NRXN3: variants seen among roughly 807,000 people sequenced by gnomAD.
NRXN3 encodes neurexin III.
A neutral mutation model predicts 137.6 loss-of-function variants in NRXN3; 32 were observed. The observed-to-expected ratio is 0.23, with a 90% CI of 0.18 to 0.31. The LOEUF is 0.31. Ranked by LOEUF, NRXN3 falls within the 10% of genes least tolerant of loss-of-function variation. NRXN3 has a pLI of 1.00. For missense variants in NRXN3, 1,574 were observed against 2,062.5 expected (o/e 0.76, Z 4.59); for synonymous variants, 798 against 784.5 (o/e 1.02, Z -0.29).
At chr14:79,497,111 T>C (rs2096774556) in intron 16 of NRXN3, among the ~76,000 whole-genome samples, 1 of 152,188 alleles carries the variant, frequency 6.6e-6, no homozygotes, top group Non-Finnish European at 1.5e-5. Context: ...CCTTGGGTTC[T>C]TAACTCTAAC....
chr14:78,430,696 A>T (rs1342111163), intron 4 of NRXN3, among the ~76,000 whole-genome samples: 1 of 152,182 alleles, frequency 6.6e-6, no homozygotes, highest in South Asian at 2.1e-4. Context: ...TCTGCCCTGC[A>T]TAGGTCTTGT....
intron 15 of NRXN3, among the ~76,000 whole-genome samples, chr14:79,385,672 G>A (rs541530276): frequency 2.6e-5 from 4 of 152,140 alleles, no homozygotes; most frequent in Non-Finnish European, 5.9e-5. Context: ...AGGTTTGGCT[G>A]TTTAAAAGTG....
chr14:79,053,471 A>G (rs1016239134), intron 15 of NRXN3, among the ~76,000 whole-genome samples: 3 of 152,200 alleles, frequency 2.0e-5, no homozygotes, highest in African/African-American at 7.2e-5. Context: ...ATAATGGGCG[A>G]TATCTACCTT....
intron 9 of NRXN3, among the ~76,000 whole-genome samples, chr14:78,806,039 A>C (rs1596033865): frequency 7.9e-6 from 1 of 126,236 alleles, no homozygotes; most frequent in Non-Finnish European, 1.6e-5. Flanking sequence ...TTTCCAATAG[A>C]CTTTGCTTTT....
chr14:78,694,839 G>A (rs1175612504), intron 6 of NRXN3, among the ~76,000 whole-genome samples: 1 of 151,978 alleles, frequency 6.6e-6, no homozygotes, highest in Non-Finnish European at 1.5e-5. Flanking sequence ...TGCAAGCCTT[G>A]TTCTGGTGTT....
At chr14:79,500,733 T>C (rs1399920806) in intron 16 of NRXN3, among the ~76,000 whole-genome samples, 1 of 152,158 alleles carries the variant, frequency 6.6e-6, no homozygotes, top group Non-Finnish European at 1.5e-5. Flanking sequence ...CCTCTGTGGG[T>C]TGCAGTGAGG....
chr14:79,191,336 T>C (rs1283225114), intron 15 of NRXN3, among the ~76,000 whole-genome samples: 3 of 152,136 alleles, frequency 2.0e-5, no homozygotes, highest in African/African-American at 4.8e-5. Flanking sequence ...AAATTGATGA[T>C]AGATGAAGAC....
intron 8 of NRXN3, among the ~76,000 whole-genome samples, chr14:78,742,765 A>T (rs1245807079): frequency 3.3e-5 from 5 of 152,318 alleles, no homozygotes; most frequent in Non-Finnish European, 2.9e-5. Context: ...GAAAGTTTGT[A>T]TGTAAATAAA....
chr14:79,338,936 G>C (rs1380494730), intron 15 of NRXN3, among the ~76,000 whole-genome samples: 1 of 152,198 alleles, frequency 6.6e-6, no homozygotes, highest in African/African-American at 2.4e-5. Flanking sequence ...GTGAGACTAA[G>C]TATTTGTTTT....
chr14:78,765,066 GC>G (rs200925207), intron 8 of NRXN3, among the ~76,000 whole-genome samples: 3,937 of 152,310 alleles, frequency 0.026, 80 homozygotes, highest in Non-Finnish European at 0.042. Context: ...CTAAATGTAT[GC>G]TATGGTCACC....
intron 2 of NRXN3, among the ~76,000 whole-genome samples, chr14:78,259,369 C>G (rs1005955301): frequency 6.6e-6 from 1 of 152,102 alleles, no homozygotes; most frequent in African/African-American, 2.4e-5. Flanking sequence ...GAACCTTGCA[C>G]TTTTTTGAGA....
intron 15 of NRXN3, among the ~76,000 whole-genome samples, chr14:79,004,866 GTC>G (rs1219629254): frequency 6.6e-6 from 1 of 152,028 alleles, no homozygotes; most frequent in Non-Finnish European, 1.5e-5. Flanking sequence ...TTTATATGCT[GTC>G]GCCCCGTCCT....
In NRXN3 at chr14:78,880,102, T is replaced by A. The variant is rs1386296599; in HGVS notation, c.2275+69758T>A. Among the ~76,000 whole-genome samples, 7 of 146,316 alleles carry A rather than the reference T, an allele frequency of 4.8e-5. 1 individual carries two copies. The highest frequency in any genetic ancestry group is 1.9e-4 in the African/African-American group (7 of 37,692). On this transcript the variant is annotated intron_variant, in intron 10 of 20. Transcript: ENST00000335750. ...AAAATACAAAAAAATTAGCCGGGCG[T>A]AGTGGCGGGCGCCTGTAGTCCCAGC...
chr14:79,424,812 G>A (rs2095630373), intron 15 of NRXN3, among the ~76,000 whole-genome samples: 1 of 152,132 alleles, frequency 6.6e-6, no homozygotes, highest in African/African-American at 2.4e-5. Flanking sequence ...GGATTATGCA[G>A]GCGATACTTT....
At chr14:79,036,593 GTTTTTTTTTTTTTTTTTT>G (rs57154485) in intron 15 of NRXN3, among the ~76,000 whole-genome samples, 1 of 101,660 alleles carries the variant, frequency 9.8e-6, no homozygotes, top group Non-Finnish European at 1.9e-5. Context: ...TTCGTTTTGG[GTTTTTTTTTTTTTTTTTT>G]TTTTTTTTTT....
chr14:78,210,161 A>C, intron 1 of NRXN3, among the ~76,000 whole-genome samples: 1 of 152,180 alleles, frequency 6.6e-6, no homozygotes, highest in Non-Finnish European at 1.5e-5. Context: ...AATGACAGAC[A>C]TTTTTTACTC....
At position 79,268,798 on chromosome 14, in the gene NRXN3, A is replaced by G. The variant is rs75439808; in HGVS notation, c.3263-198423A>G. 3.7e-3 allele frequency among the ~76,000 whole-genome samples: 558 copies of G among 152,262 alleles called. 19 individuals carry two copies. In the East Asian group the frequency reaches 0.075, roughly 20 times the overall value. ...TATGCCTCATTTTCTCCAATTGTAA[A>G]ACAGAGATACTTATAATAATATATA... is the stretch of plus-strand genomic sequence containing the variant. On this transcript the variant is annotated intron_variant, in intron 15 of 20. Coordinates refer to ENST00000335750, the MANE Select transcript of NRXN3 (RefSeq NM_001330195.2).
chr14:78,275,585 A>G (rs1249105404), intron 2 of NRXN3, among the ~76,000 whole-genome samples: 1 of 152,166 alleles, frequency 6.6e-6, no homozygotes, highest in African/African-American at 2.4e-5. Flanking sequence ...AGCTCTAGAG[A>G]AATGAAAGCA....
intron 20 of NRXN3, among the ~76,000 whole-genome samples, chr14:79,807,791 T>C (rs1374539268): frequency 3.9e-5 from 6 of 152,350 alleles, no homozygotes; most frequent in South Asian, 2.1e-4. Context: ...CTCATCACAT[T>C]TGAAGAATGA....
Sources: allele counts gnomAD v4.1 joint callset (sites outside exome capture counted in the v4.1 genomes callset), GRCh38; gene constraint gnomAD v4.1.1; transcripts MANE v1.5; gene names NCBI Gene and HGNC (gene_info 2026-07-23, HGNC 2026-07-21).